Variants in EIF2AK2 observed in about 807,000 individuals in gnomAD.
EIF2AK2 encodes the protein eukaryotic translation initiation factor 2 alpha kinase 2.
A neutral mutation model predicts 70.5 loss-of-function variants in EIF2AK2; 40 were observed. That is an observed-to-expected ratio of 0.57 (90% CI 0.44 to 0.74). EIF2AK2 has a LOEUF of 0.74. Among genes scored for constraint, EIF2AK2 ranks in the 30% least tolerant of loss-of-function variants. EIF2AK2 has a pLI of 0.00. For synonymous variants in EIF2AK2, 198 were observed against 220.9 expected (o/e 0.90, Z 0.92); for missense variants, 555 against 644.3 (o/e 0.86, Z 1.50).
intron 13 of EIF2AK2, among the ~76,000 whole-genome samples, chr2:37,116,822 A>G (rs962542479): frequency 6.6e-6 from 1 of 152,218 alleles, no homozygotes; most frequent in Non-Finnish European, 1.5e-5. Flanking sequence ...ACCTGACTCT[A>G]AGAAACAGAA....
intron 4 of EIF2AK2, among the ~76,000 whole-genome samples, chr2:37,146,334 A>G (rs966774723): frequency 6.6e-6 from 1 of 152,158 alleles, no homozygotes; most frequent in Non-Finnish European, 1.5e-5. Context: ...GCAATGCATA[A>G]CTGTATATGG....
chr2:37,156,040 C>T (rs753895250), intron 1 of EIF2AK2, among the ~76,000 whole-genome samples: 2 of 151,776 alleles, frequency 1.3e-5, no homozygotes, highest in Non-Finnish European at 2.9e-5. Context: ...AAGGGCAGAG[C>T]GGGGTTTCTT....
At chr2:37,125,939 A>T (rs955599918) in intron 11 of EIF2AK2, among the ~76,000 whole-genome samples, 2 of 152,206 alleles carry the variant, frequency 1.3e-5, no homozygotes, top group Admixed American at 1.3e-4. Flanking sequence ...AGAACATCTC[A>T]AAGATCACCT....
intron 15 of EIF2AK2, 131 bp downstream of exon 15, chr2:37,109,063 T>C (rs898748993): frequency 4.0e-6 from 3 of 746,154 alleles, no homozygotes; most frequent in Non-Finnish European, 6.4e-6. Context: ...AAAATTCATA[T>C]TTCATTTGCA....
chr2:37,126,934 G>C (rs1041848629), intron 10 of EIF2AK2, among the ~76,000 whole-genome samples: 1 of 117,450 alleles, frequency 8.5e-6, no homozygotes, highest in Admixed American at 1.2e-4. Context: ...TCCAGCCTGG[G>C]CGACAAGAAT....
chr2:37,134,355 G>C (rs1009784384), intron 10 of EIF2AK2, among the ~76,000 whole-genome samples: 2 of 152,130 alleles, frequency 1.3e-5, no homozygotes, highest in Non-Finnish European at 2.9e-5. Context: ...GGAAATTTCC[G>C]TGTAAGATCC....
intron 1 of EIF2AK2, among the ~76,000 whole-genome samples, chr2:37,154,932 C>G (rs1356156149): frequency 9.9e-6 from 1 of 100,924 alleles, no homozygotes; most frequent in Non-Finnish European, 2.1e-5. Context: ...AACTTCTTTT[C>G]TTCTATTTTT....
intron 9 of EIF2AK2, chr2:37,136,653 CCTTA>C (rs4648198): frequency 0.03 from 5,046 of 170,436 alleles, 131 homozygotes; most frequent in Non-Finnish European, 0.048. Context: ...GCTATTTTAA[CCTTA>C]CTTGTCTGCA....
At chr2:37,147,146 G>A (rs574135761) in intron 3 of EIF2AK2, among the ~76,000 whole-genome samples, 173 bp from the exon 4 acceptor site, 1 of 152,258 alleles carries the variant, frequency 6.6e-6, no homozygotes, top group East Asian at 1.9e-4. Flanking sequence ...GTTGAAGCAT[G>A]GAAAGGTTTC....
At chr2:37,119,086 T>C (rs1674443349) in intron 13 of EIF2AK2, among the ~76,000 whole-genome samples, 1 of 152,064 alleles carries the variant, frequency 6.6e-6, no homozygotes, top group Non-Finnish European at 1.5e-5. Context: ...GTGACAGGCT[T>C]AGGCAAGTCA....
chr2:37,111,878 A>AAAAAT (rs1553335064), intron 14 of EIF2AK2, among the ~76,000 whole-genome samples: 2 of 69,130 alleles, frequency 2.9e-5, no homozygotes, highest in South Asian at 5.6e-4. Flanking sequence ...AAAAAAAAAA[A>AAAAAT]ATATATATAT....
At chr2:37,144,107 T>C (rs2148708183) in intron 4 of EIF2AK2, among the ~76,000 whole-genome samples, 1 of 152,290 alleles carries the variant, frequency 6.6e-6, no homozygotes, top group East Asian at 1.9e-4. Flanking sequence ...AATGGCTAAA[T>C]TTCATATTTT....
chr2:37,136,571 A>C (rs1675133789), intron 9 of EIF2AK2, among the ~76,000 whole-genome samples: 1 of 152,222 alleles, frequency 6.6e-6, no homozygotes, highest in Non-Finnish European at 1.5e-5. Context: ...ATTTCTGACT[A>C]TATTTACATC....
In EIF2AK2 at chr2:37,101,405, T is replaced by C. The variant is rs1281792942; in HGVS notation, c.*5868A>G. 1 of 152,204 alleles carries C rather than the reference T, an allele frequency of 6.6e-6. No homozygotes were observed. Among genetic ancestry groups the C allele is most frequent in the African/African-American group, 2.4e-5 (1 of 41,462 alleles). The allele number at this position is 152,204 out of a possible 1,614,324, so 9.4% of individuals were successfully genotyped here. A position where few individuals can be genotyped will look rare whatever the true frequency, so the allele number is the denominator to read the frequency against. ...AAATAATGGATCCAGGCAACAATTA[T>C]CAATAGCTGCTAAAACCATCAGGTG... is the stretch of plus-strand genomic sequence containing the variant. On this transcript the variant is annotated 3_prime_UTR_variant, in exon 17 of 17. Transcript: ENST00000233057.
chr2:37,154,560 T>C (rs972989718), intron 1 of EIF2AK2, among the ~76,000 whole-genome samples: 3 of 151,924 alleles, frequency 2.0e-5, no homozygotes, highest in Non-Finnish European at 4.4e-5. Context: ...ACACCCACTC[T>C]CCTAGTTTTC....
intron 11 of EIF2AK2, among the ~76,000 whole-genome samples, chr2:37,123,476 C>T (rs1674625469): frequency 6.6e-6 from 1 of 152,090 alleles, no homozygotes; most frequent in Non-Finnish European, 1.5e-5. Context: ...CCACGCTGCC[C>T]ATGCTGGTCT....
chr2:37,111,609 T>C (rs1438970435), intron 14 of EIF2AK2, among the ~76,000 whole-genome samples: 1 of 151,026 alleles, frequency 6.6e-6, no homozygotes, highest in Admixed American at 6.6e-5. Context: ...ATCCTAGTAC[T>C]TTGGGAGGTC....
chr2:37,110,308 T>A (rs977062036), intron 14 of EIF2AK2, among the ~76,000 whole-genome samples: 1 of 151,610 alleles, frequency 6.6e-6, no homozygotes, highest in Non-Finnish European at 1.5e-5. Context: ...TTGGCCAGGC[T>A]GGTCTCAAAC....
At chr2:37,131,717 C>T (rs1004509351) in intron 10 of EIF2AK2, among the ~76,000 whole-genome samples, 2 of 152,026 alleles carry the variant, frequency 1.3e-5, no homozygotes, top group African/African-American at 4.8e-5. Flanking sequence ...TAGATGGCAG[C>T]GCATCAAAAA....
Sources: gnomAD v4.1 joint callset for allele counts (sites outside exome capture counted in the v4.1 genomes callset) on GRCh38, gnomAD v4.1.1 for gene constraint, MANE v1.5 for transcripts, NCBI Gene and HGNC (gene_info 2026-07-23, HGNC 2026-07-21) for gene names.